The following MRAP2 variants were observed in gnomAD, a reference collection of about 807,000 sequenced individuals.
The protein encoded by MRAP2 is melanocortin-2 receptor accessory protein 2.
In MRAP2, 20 loss-of-function variants were observed where a neutral mutation model predicts 17.4. The ratio of observed to expected loss-of-function variants is 1.15; its 90% CI spans 0.81 to 1.67. The LOEUF (loss-of-function observed/expected upper bound fraction) is 1.67. Ranked by LOEUF, MRAP2 falls within the 40% of genes most tolerant of loss-of-function variation. The probability of loss-of-function intolerance (pLI) is 0.00; values close to 1 mark genes in which losing one functional copy is unlikely to be tolerated. For missense variants in MRAP2, 238 were observed against 240.0 expected, an observed-to-expected ratio of 0.99 and a Z score of 0.05; for synonymous variants, 96 against 88.4, an observed-to-expected ratio of 1.09 and a Z score of -0.48.
chr6:84,068,316 G>A (rs1156948315), intron 3 of MRAP2, among the ~76,000 whole-genome samples: 1 of 152,110 alleles, frequency 6.6e-6, no homozygotes, highest in Non-Finnish European at 1.5e-5. Flanking sequence ...AAACCAGATA[G>A]TATGATCCCT....
intron 3 of MRAP2, among the ~76,000 whole-genome samples, chr6:84,088,555 T>C (rs952384261): frequency 6.6e-6 from 1 of 152,200 alleles, no homozygotes; most frequent in Admixed American, 6.5e-5. Context: ...TTGGTTACTT[T>C]TGAGAATCAA....
chr6:84,065,689 A>G (rs952141811), intron 3 of MRAP2, among the ~76,000 whole-genome samples: 2 of 152,212 alleles, frequency 1.3e-5, no homozygotes, highest in African/African-American at 4.8e-5. Context: ...ATGAAATAGA[A>G]TGTGACTTCC....
the MRAP2 span, among the ~76,000 whole-genome samples, chr6:84,133,459 G>T: frequency 6.6e-6 from 1 of 152,216 alleles, no homozygotes; most frequent in East Asian, 1.9e-4. Context: ...GCCCCCAGAG[G>T]TGGAGTCTAT....
At chr6:84,062,056 AT>A (rs2099493307) in intron 2 of MRAP2, 2 of 985,468 alleles carry the variant, frequency 2.0e-6, no homozygotes, top group Non-Finnish European at 2.4e-6. Flanking sequence ...TGAATTATCC[AT>A]GGTGAACGTA....
chr6:84,078,483 C>T (rs140892927), intron 3 of MRAP2, among the ~76,000 whole-genome samples: 1 of 152,272 alleles, frequency 6.6e-6, no homozygotes, highest in East Asian at 1.9e-4. Context: ...TTGACAACAC[C>T]AAATGTTGGG....
At chr6:84,049,862 GA>G (rs1292921933) in intron 1 of MRAP2, among the ~76,000 whole-genome samples, 14 of 152,066 alleles carry the variant, frequency 9.2e-5, no homozygotes, top group African/African-American at 3.1e-4. Context: ...ATTTTTTGAG[GA>G]CTGCTGGGTA....
intron 3 of MRAP2, among the ~76,000 whole-genome samples, chr6:84,080,581 A>C (rs181123013): frequency 1.3e-5 from 2 of 152,184 alleles, no homozygotes; most frequent in African/African-American, 2.4e-5. Context: ...CAACAAAGGT[A>C]GTTTGGAGGG....
chr6:84,037,715 G>A (rs190945564), intron 1 of MRAP2, among the ~76,000 whole-genome samples: 2 of 152,124 alleles, frequency 1.3e-5, no homozygotes, highest in Non-Finnish European at 2.9e-5. Context: ...CTCTGCAGCT[G>A]CTGGCCTGGG....
chr6:84,102,560 G>A, the MRAP2 span, among the ~76,000 whole-genome samples: 5 of 152,184 alleles, frequency 3.3e-5, no homozygotes, highest in African/African-American at 9.6e-5. Flanking sequence ...CAGTCTTGCC[G>A]ATACCTTGAT....
rs547769431 is a variant in MRAP2, at chr6:84,055,555, G to A, written c.127+110G>A. The A allele has an allele frequency of 1.8e-4, 199 of 1,099,936 alleles. No homozygotes were observed. The African/African-American group carries it at 3.0e-3, about 16-fold the overall frequency. The allele number at this position is 1,099,936 out of a possible 1,614,324, so 68.1% of individuals were successfully genotyped here. On this transcript the variant is annotated intron_variant, in intron 2 of 3. Transcript: ENST00000257776. Reference sequence around the variant, plus strand: ...TTCTTTCTTCTTTACAGAACTCTCTGTCCTCTACCTCCCAAATTCTACAAA... The same window carrying A: ...TTCTTTCTTCTTTACAGAACTCTCTATCCTCTACCTCCCAAATTCTACAAA...
chr6:84,067,190 C>T (rs2129169298), intron 3 of MRAP2, among the ~76,000 whole-genome samples: 1 of 152,334 alleles, frequency 6.6e-6, no homozygotes, highest in African/African-American at 2.4e-5. Flanking sequence ...CCAGTCCCAT[C>T]CAGATTGCTG....
rs2099493584 is a variant in MRAP2, at chr6:84,063,011, T to A, written c.227+19T>A. 1 of 1,613,942 alleles carries A rather than the reference T, an allele frequency of 6.2e-7. No individual in the cohort carries two copies. Among genetic ancestry groups the A allele is most frequent in the African/African-American group, 1.3e-5 (1 of 74,914 alleles). The stretch of plus-strand genomic sequence containing the variant: ...ACCAAGAGTAAGTTTGGGCTGTTCC[T>A]AAATGTCTCTTAAGCCTCACAGGAG... On this transcript the variant is annotated intron_variant, in intron 3 of 3. Transcript: ENST00000257776.
chr6:84,093,339 T>A (rs948780978), downstream of MRAP2, among the ~76,000 whole-genome samples: 6 of 151,930 alleles, frequency 3.9e-5, no homozygotes, highest in Non-Finnish European at 8.8e-5. Flanking sequence ...GGCACCAGGG[T>A]GAAACAATGG....
At chr6:84,043,106 T>A (rs748465319) in intron 1 of MRAP2, among the ~76,000 whole-genome samples, 1 of 152,228 alleles carries the variant, frequency 6.6e-6, no homozygotes, top group Non-Finnish European at 1.5e-5. Context: ...CTCTTCTTAG[T>A]CTTATTCTGC....
At chr6:84,072,878 T>A (rs1241963128) in intron 3 of MRAP2, among the ~76,000 whole-genome samples, 1 of 152,078 alleles carries the variant, frequency 6.6e-6, no homozygotes, top group African/African-American at 2.4e-5. Context: ...GTCACAGGAC[T>A]CACCCAGCTC....
chr6:84,121,156 C>T, the MRAP2 span, among the ~76,000 whole-genome samples: 5 of 151,598 alleles, frequency 3.3e-5, no homozygotes, highest in Middle Eastern at 0.014. Flanking sequence ...CTCACTGCAG[C>T]CTTGAACTCC....
At chr6:84,060,852 A>ATTTTTT (rs771171189) in intron 2 of MRAP2, among the ~76,000 whole-genome samples, 16 of 119,522 alleles carry the variant, frequency 1.3e-4, no homozygotes, top group African/African-American at 2.2e-4. Context: ...CACCCGGCTA[A>ATTTTTT]TTTTTTTTTT....
At chr6:84,119,907 A>G in the MRAP2 span, among the ~76,000 whole-genome samples, 2 of 152,080 alleles carry the variant, frequency 1.3e-5, no homozygotes, top group Admixed American at 1.3e-4. Context: ...CTCTAGCATA[A>G]CTCCTGGTGC....
intron 1 of MRAP2, among the ~76,000 whole-genome samples, chr6:84,036,611 G>A (rs1232645968): frequency 1.3e-5 from 2 of 152,162 alleles, no homozygotes; most frequent in African/African-American, 4.8e-5. Flanking sequence ...AGAGTGAGCA[G>A]CAGCAAGATT....
Sources: allele counts gnomAD v4.1 joint callset (sites outside exome capture counted in the v4.1 genomes callset), GRCh38; gene constraint gnomAD v4.1.1; transcripts MANE v1.5; gene names NCBI Gene and HGNC (gene_info 2026-07-23, HGNC 2026-07-21).